The following SLIT1 variants were observed in gnomAD, a reference collection of about 807,000 sequenced individuals.
The protein encoded by SLIT1 is slit homolog 1 protein.
SLIT1 carries 66 observed loss-of-function variants against 186.1 expected under a neutral mutation model. That is an observed-to-expected ratio of 0.35 (90% CI 0.29 to 0.44). SLIT1 has a LOEUF of 0.44. SLIT1 is among the 20% of genes least tolerant of loss of function. SLIT1 has a pLI of 1.00. For missense variants in SLIT1, 1,638 were observed against 2,037.4 expected (o/e 0.80, Z 3.77); for synonymous variants, 761 against 833.8 (o/e 0.91, Z 1.50).
At chr10:97,140,680 G>A (rs79622710) in intron 4 of SLIT1, among the ~76,000 whole-genome samples, 1 of 152,198 alleles carries the variant, frequency 6.6e-6, no homozygotes, top group African/African-American at 2.4e-5. Context: ...GACTTCAAAG[G>A]GGGAAATGAG....
At chr10:97,017,878 C>T (rs1848467567) in intron 28 of SLIT1, among the ~76,000 whole-genome samples, 1 of 142,172 alleles carries the variant, frequency 7.0e-6, no homozygotes, top group Admixed American at 7.2e-5. Flanking sequence ...GACAGAGTTT[C>T]GCTCTTGTTG....
chr10:97,141,648 CATTGTATTGT>C (rs1237506150), intron 4 of SLIT1, among the ~76,000 whole-genome samples: 1 of 150,732 alleles, frequency 6.6e-6, no homozygotes, highest in African/African-American at 2.5e-5. Flanking sequence ...CACTGTATTG[CATTGTATTGT>C]ATTGCATTGC....
chr10:97,144,462 C>T (rs1018571103), intron 4 of SLIT1, among the ~76,000 whole-genome samples: 1 of 152,140 alleles, frequency 6.6e-6, no homozygotes, highest in Non-Finnish European at 1.5e-5. Context: ...AGTCACTACC[C>T]CATTTTCAGT....
chr10:97,166,365 A>G (rs1850106346), intron 1 of SLIT1, among the ~76,000 whole-genome samples: 3 of 151,380 alleles, frequency 2.0e-5, no homozygotes, highest in Admixed American at 2.0e-4. Context: ...AAATACAAAA[A>G]AATTATCGGG....
intron 12 of SLIT1, among the ~76,000 whole-genome samples, chr10:97,056,727 G>A (rs1439708999): frequency 4.6e-5 from 7 of 151,736 alleles, no homozygotes; most frequent in East Asian, 1.9e-4. Context: ...GTGGGATTCC[G>A]GGAAAGCAGA....
chr10:97,120,742 G>T (rs1849553562), intron 4 of SLIT1, among the ~76,000 whole-genome samples: 1 of 152,128 alleles, frequency 6.6e-6, no homozygotes, highest in Admixed American at 6.5e-5. Context: ...CACAGCAAGT[G>T]CTCAGTAAAT....
chr10:97,111,704 A>T (rs1357819547), intron 4 of SLIT1, among the ~76,000 whole-genome samples: 1 of 152,206 alleles, frequency 6.6e-6, no homozygotes, highest in East Asian at 1.9e-4. Flanking sequence ...GGCGTCAGAC[A>T]AACAGGGCTT....
At chr10:97,123,534 C>A (rs1280347614) in intron 4 of SLIT1, among the ~76,000 whole-genome samples, 2 of 152,158 alleles carry the variant, frequency 1.3e-5, no homozygotes, top group Admixed American at 6.5e-5. Context: ...AGCCTGTAAT[C>A]CCAGCACTTT....
chr10:97,058,448 G>A (rs1384023524), intron 11 of SLIT1, among the ~76,000 whole-genome samples: 2 of 152,192 alleles, frequency 1.3e-5, no homozygotes, highest in Non-Finnish European at 2.9e-5. Flanking sequence ...ACTTCTCAGA[G>A]GAAGGGCCCT....
At chr10:97,164,342 G>T (rs1589417970) in intron 2 of SLIT1, among the ~76,000 whole-genome samples, 1 of 152,312 alleles carries the variant, frequency 6.6e-6, no homozygotes, top group Admixed American at 6.5e-5. Flanking sequence ...AAAGCCTGAA[G>T]TGTGAGAGGC....
chr10:97,158,981 G>T (rs1233417954), intron 3 of SLIT1, among the ~76,000 whole-genome samples: 3 of 151,998 alleles, frequency 2.0e-5, no homozygotes, highest in African/African-American at 7.2e-5. Context: ...GATTTGCCTG[G>T]GTAACAAAGA....
intron 3 of SLIT1, among the ~76,000 whole-genome samples, chr10:97,162,284 CT>C (rs1260626700): frequency 6.6e-6 from 1 of 152,196 alleles, no homozygotes; most frequent in East Asian, 1.9e-4. Flanking sequence ...TATGTATCCA[CT>C]AGAATGGGTT....
At chr10:97,176,633 C>T (rs543721934) in intron 1 of SLIT1, among the ~76,000 whole-genome samples, 3 of 152,324 alleles carry the variant, frequency 2.0e-5, no homozygotes, top group South Asian at 4.1e-4. Context: ...ACCCCGATCT[C>T]GAGTTCCAGA....
intron 4 of SLIT1, among the ~76,000 whole-genome samples, chr10:97,137,479 T>C (rs115816165): frequency 0.013 from 1,972 of 152,368 alleles, 36 homozygotes; most frequent in African/African-American, 0.045. Flanking sequence ...TATTTTCTAC[T>C]GTTAGAGGGA....
intron 21 of SLIT1, 141 bp from the exon 22 acceptor site, chr10:97,037,907 T>C (rs1848655315): frequency 1.7e-6 from 1 of 596,938 alleles, no homozygotes; most frequent in African/African-American, 1.8e-5. Context: ...CCAGAATCAC[T>C]TATGGGAGGA....
At chr10:97,149,944 C>T (rs1849857920) in intron 4 of SLIT1, among the ~76,000 whole-genome samples, 2 of 152,196 alleles carry the variant, frequency 1.3e-5, no homozygotes, top group Non-Finnish European at 2.9e-5. Flanking sequence ...CTGAATAGTC[C>T]TTGACGAAGG....
intron 28 of SLIT1, among the ~76,000 whole-genome samples, chr10:97,016,915 AAG>A (rs1485452785): frequency 4.6e-5 from 7 of 152,144 alleles, no homozygotes; most frequent in Non-Finnish European, 1.0e-4. Context: ...GCAGGGTTTT[AAG>A]CTGGGGTGAC....
intron 14 of SLIT1, 67 bp from the exon 15 acceptor site, chr10:97,048,063 C>A (rs962298147): frequency 6.4e-7 from 1 of 1,565,218 alleles, no homozygotes; most frequent in East Asian, 2.2e-5. Context: ...AGCCCAGGCC[C>A]CAGCCCCACT....
intron 4 of SLIT1, among the ~76,000 whole-genome samples, chr10:97,076,619 G>A (rs1849048550): frequency 6.6e-6 from 1 of 152,228 alleles, no homozygotes; most frequent in South Asian, 2.1e-4. Flanking sequence ...CCAGGTCAGG[G>A]ACTAGGTCTA....
Sources: allele counts gnomAD v4.1 joint callset (sites outside exome capture counted in the v4.1 genomes callset), GRCh38; gene constraint gnomAD v4.1.1; transcripts MANE v1.5; gene names NCBI Gene and HGNC (gene_info 2026-07-23, HGNC 2026-07-21).